DCAF7: variants seen among roughly 807,000 people sequenced by gnomAD.
DCAF7 encodes DDB1- and CUL4-associated factor 7.
Under a neutral mutation model 41.2 loss-of-function variants are expected in DCAF7, and 4 were observed. The ratio of observed to expected loss-of-function variants is 0.10; its 90% confidence interval spans 0.05 to 0.22. The LOEUF is 0.22. Among genes scored for constraint, DCAF7 ranks in the 10% least tolerant of loss-of-function variants. The probability of loss-of-function intolerance (pLI) is 1.00; values close to 1 mark genes in which losing one functional copy is unlikely to be tolerated. For synonymous variants in DCAF7, 143 were observed against 164.2 expected (o/e 0.87, Z 0.99); for missense variants, 131 against 443.2 (o/e 0.30, Z 6.32).
At chr17:63,567,201 G>T (rs1055175501) in intron 1 of DCAF7, among the ~76,000 whole-genome samples, 5 of 152,182 alleles carry the variant, frequency 3.3e-5, no homozygotes, top group African/African-American at 9.7e-5. Flanking sequence ...AAGGATTTTT[G>T]AGGGTCAGTA....
chr17:63,550,822 CGGGCAG>C lies in DCAF7; in HGVS notation c.138+12_138+17del, dbSNP rs766230458. 3.7e-6 allele frequency: 6 copies of C among 1,612,100 alleles called. No individual in the cohort carries two copies. The East Asian group carries it at 1.3e-4, about 36-fold the overall frequency. On this transcript the variant is annotated splice_region_variant and intron_variant, in intron 1 of 6. Transcript: ENST00000614556. This position sits in a 1 kb window ranked among gnomAD's most constrained non-coding sequence, Gnocchi z 4.8. The stretch of plus-strand genomic sequence containing the variant: ...GGAGGAGTACAACAACAAGGTGGGC[CGGGCAG>C]GGGCTCGGAACCCAGCTGGCGGGGA...
intron 4 of DCAF7, among the ~76,000 whole-genome samples, chr17:63,583,119 G>A (rs1039884580): frequency 1.3e-5 from 2 of 152,166 alleles, no homozygotes; most frequent in Non-Finnish European, 2.9e-5. Context: ...AGGCCTTAAT[G>A]AGCTCGTAGA....
intron 1 of DCAF7, among the ~76,000 whole-genome samples, chr17:63,572,132 A>G (rs2033513935): frequency 6.6e-6 from 1 of 152,220 alleles, no homozygotes; most frequent in South Asian, 2.1e-4. Context: ...CTTATGAAGG[A>G]GGCAAGATGT....
chr17:63,573,647 T>G (rs1388217354), intron 1 of DCAF7, among the ~76,000 whole-genome samples: 1 of 151,914 alleles, frequency 6.6e-6, no homozygotes, highest in Non-Finnish European at 1.5e-5. Flanking sequence ...GGAGAATCGC[T>G]TAAACCTGAG....
chr17:63,563,289 T>C (rs1568099118), intron 1 of DCAF7, among the ~76,000 whole-genome samples: 1 of 152,144 alleles, frequency 6.6e-6, no homozygotes, highest in South Asian at 2.1e-4. Flanking sequence ...GAAATGAGAA[T>C]TGTGATATCA....
At position 63,594,038 on chromosome 17, in the gene DCAF7, G is replaced by A. The variant is rs1376363920; in HGVS notation, c.*4866G>A. 1 of 152,624 alleles carries A rather than the reference G, an allele frequency of 6.6e-6. No homozygotes were observed. The allele number at this position is 152,624 out of a possible 1,614,324, so 9.5% of individuals were successfully genotyped here. ...ATTTTCACAGGACTGATTGTACACA[G>A]GGCTTGTAATAAAATTTTAACACTG... is the stretch of plus-strand genomic sequence containing the variant. On this transcript the variant is annotated 3_prime_UTR_variant, in exon 7 of 7. Coordinates refer to ENST00000614556, the MANE Select transcript of DCAF7 (RefSeq NM_005828.5).
chr17:63,553,068 A>G (rs576912056), intron 1 of DCAF7, among the ~76,000 whole-genome samples: 20 of 152,368 alleles, frequency 1.3e-4, no homozygotes, highest in Middle Eastern at 6.8e-3. Context: ...TTTCAAATGC[A>G]TAAAACACAT....
Position 63,589,259 on chromosome 17 carries a change from G to A in DCAF7, c.*87G>A. The A allele has an allele frequency of 1.3e-6, 2 of 1,553,718 alleles. No individual in the cohort carries two copies. Among genetic ancestry groups the A allele is most frequent in the East Asian group, 2.2e-5 (1 of 44,490 alleles). On this transcript the variant is annotated 3_prime_UTR_variant, in exon 7 of 7. Transcript: ENST00000614556. ...CAAAGTAAGAAGAAACATGTTTCCA[G>A]TGGCCAGTATGTCTTTCATTGCTTT...
chr17:63,575,517 T>C (rs1384569927), intron 1 of DCAF7, among the ~76,000 whole-genome samples: 1 of 152,110 alleles, frequency 6.6e-6, no homozygotes, highest in Non-Finnish European at 1.5e-5. Flanking sequence ...CTAGCCGACA[T>C]GGCAAAACCC....
At chr17:63,581,538 C>T (rs1254134755) in intron 4 of DCAF7, among the ~76,000 whole-genome samples, 1 of 152,160 alleles carries the variant, frequency 6.6e-6, no homozygotes, top group African/African-American at 2.4e-5. Flanking sequence ...GGAGAAATAC[C>T]TTAGCTTTTC....
rs909033550 is a variant in DCAF7, at chr17:63,591,435, G to A, written c.*2263G>A. 7.2e-5 allele frequency: 11 copies of A among 152,130 alleles called. No homozygotes were observed. Among genetic ancestry groups the A allele is most frequent in the African/African-American group, 2.7e-4 (11 of 41,404 alleles). 9.4% of individuals were successfully genotyped at this position (152,130 alleles called of 1,614,324 possible). A position where few individuals can be genotyped will look rare whatever the true frequency, so the allele number is the denominator to read the frequency against. ...ACCAACAACTTTTGAGATTTCCCTT[G>A]CCCTGTGGACGCCCAGCTCCTGTCA... On this transcript the variant is annotated 3_prime_UTR_variant, in exon 7 of 7. Transcript: ENST00000614556.
rs191800859 is a variant in DCAF7 at position 63,559,399 on chromosome 17, G to A, written c.138+8584G>A. Among the ~76,000 whole-genome samples, 496 of 87,976 alleles carry A rather than the reference G, an allele frequency of 5.6e-3. 18 individuals are homozygous for A. The East Asian group carries it at 0.088, about 16-fold the overall frequency. 57.7% of individuals were successfully genotyped at this position (87,976 alleles called of 152,430 possible). ...TGTGTATATATATGTATATATATAT[G>A]TATATATATGTATATATATACGTAT... On this transcript the variant is annotated intron_variant, in intron 1 of 6. Transcript: ENST00000614556.
intron 5 of DCAF7, 58 bp downstream of exon 5, chr17:63,583,769 A>T (rs1314431030): frequency 7.1e-6 from 11 of 1,546,140 alleles, no homozygotes; most frequent in Non-Finnish European, 9.8e-6. Flanking sequence ...TGCTTAGTAT[A>T]TCTAGAAGGC....
rs181669731 is a variant in DCAF7, at chr17:63,589,233, C to G, written c.*61C>G. 8.0e-4 allele frequency: 1,279 copies of G among 1,598,058 alleles called. 10 individuals are homozygous for G. In the African/African-American group the frequency reaches 0.014, roughly 18 times the overall value. ...TGTATTTCCTGCCTCTGCCCCACCC[C>G]CAAAGTAAGAAGAAACATGTTTCCA... On this transcript the variant is annotated 3_prime_UTR_variant, in exon 7 of 7. Transcript: ENST00000614556.
At chr17:63,559,400 T>TAG in intron 1 of DCAF7, among the ~76,000 whole-genome samples, 1 of 64,394 alleles carries the variant, frequency 1.6e-5, no homozygotes, top group Non-Finnish European at 2.9e-5. Flanking sequence ...TATATATATG[T>TAG]ATATATATGT....
rs1246994863 is a variant in DCAF7 at position 63,550,484 on chromosome 17, G to T, written c.-194G>T. 2 of 907,434 alleles carry T rather than the reference G, an allele frequency of 2.2e-6. No individual in the cohort carries two copies. Among genetic ancestry groups the T allele is most frequent in the East Asian group, 5.7e-5 (2 of 35,182 alleles). The allele number at this position is 907,434 out of a possible 1,614,324, so 56.2% of individuals were successfully genotyped here. ...CCAAAACGGAAGGTGGTTGTCGTCC[G>T]TTCCCAAGCTGGTTTGAAACTAGGG... is the stretch of plus-strand genomic sequence containing the variant. On this transcript the variant is annotated 5_prime_UTR_variant, in exon 1 of 7. Transcript: ENST00000614556. The surrounding 1 kb of genome is among the most constrained non-coding windows in gnomAD (Gnocchi z 4.8).
chr17:63,550,625 C>T lies in DCAF7; in HGVS notation c.-53C>T, dbSNP rs1027693541. The stretch of plus-strand genomic sequence containing the variant: ...CCCATAGATCTCAGGCTCGGCTCCC[C>T]GCCCGCCGCAGCCCACTGTTGACCC... On this transcript the variant is annotated 5_prime_UTR_variant, in exon 1 of 7. Transcript: ENST00000614556. The surrounding 1 kb of genome is among the most constrained non-coding windows in gnomAD (Gnocchi z 4.8). 4 of 1,597,720 alleles carry T rather than the reference C, an allele frequency of 2.5e-6. No homozygotes were observed. The highest frequency in any genetic ancestry group is 2.7e-5 in the African/African-American group (2 of 74,822).
At chr17:63,551,307 A>ACC (rs34112812) in intron 1 of DCAF7, among the ~76,000 whole-genome samples, 26,171 of 85,144 alleles carry the variant, frequency 0.31, 2,598 homozygotes, top group Middle Eastern at 0.37. Context: ...CCCTACTCCC[A>ACC]CCCCCCCCGG....
chr17:63,589,415 C>G lies in DCAF7; in HGVS notation c.*243C>G. The G allele has an allele frequency of 1.7e-6, 1 of 577,294 alleles. No individual in the cohort carries two copies. The highest frequency in any genetic ancestry group is 1.7e-5 in the South Asian group (1 of 58,670). 35.8% of individuals were successfully genotyped at this position (577,294 alleles called of 1,614,324 possible). On this transcript the variant is annotated 3_prime_UTR_variant, in exon 7 of 7. Coordinates refer to ENST00000614556, the MANE Select transcript of DCAF7 (RefSeq NM_005828.5). Reference sequence around the variant, plus strand: ...GTTTTAAGATTTTCTCTCCTTTCCTCTTCTCCTTTGGTTCCTCAATTAAAA... The same window carrying G: ...GTTTTAAGATTTTCTCTCCTTTCCTGTTCTCCTTTGGTTCCTCAATTAAAA...
Sources: allele counts gnomAD v4.1 joint callset (sites outside exome capture counted in the v4.1 genomes callset), GRCh38; gene constraint gnomAD v4.1.1; non-coding constraint Gnocchi (gnomAD v3.1); transcripts MANE v1.5; gene names NCBI Gene and HGNC (gene_info 2026-07-23, HGNC 2026-07-21).